The following OR51E1 variants were observed in gnomAD, a reference collection of about 807,000 sequenced individuals.
The protein encoded by OR51E1 is olfactory receptor 51E1.
OR51E1 carries 9 observed loss-of-function variants against 11.5 expected under a neutral mutation model. That is an observed-to-expected ratio of 0.78 (90% CI 0.47 to 1.37). The LOEUF (loss-of-function observed/expected upper bound fraction) is 1.37. Among genes scored for constraint, OR51E1 ranks in the 40% most tolerant of loss-of-function variants. The pLI is 0.00. For missense variants in OR51E1, 397 were observed against 410.2 expected (o/e 0.97, Z 0.28); for synonymous variants, 168 against 158.3 (o/e 1.06, Z -0.46).
chr11:4,648,757 G>A (rs761542312), intron 1 of OR51E1, among the ~76,000 whole-genome samples: 2 of 152,160 alleles, frequency 1.3e-5, no homozygotes, highest in Non-Finnish European at 2.9e-5. Flanking sequence ...AGTGTTTCCA[G>A]GTGAGGGATC....
intron 1 of OR51E1, 56 bp from the exon 2 acceptor site, chr11:4,652,432 G>A: frequency 2.7e-6 from 2 of 751,562 alleles, no homozygotes; most frequent in Non-Finnish European, 2.3e-6. Context: ...GATAGAGTCA[G>A]GTGTTAGGTA....
rs1005644684 is a variant in OR51E1, at chr11:4,654,047, T to C, written c.*564T>C. 4.8e-5 allele frequency: 8 copies of C among 166,744 alleles called. No individual in the cohort carries two copies. Among genetic ancestry groups the C allele is most frequent in the African/African-American group, 1.9e-4 (8 of 41,440 alleles). The allele number at this position is 166,744 out of a possible 1,614,324, so 10.3% of individuals were successfully genotyped here. On this transcript the variant is annotated 3_prime_UTR_variant, in exon 2 of 2. Coordinates refer to ENST00000396952, the MANE Select transcript of OR51E1 (RefSeq NM_152430.4). ...TACATTTACCTACGTTAATGAAAGT[T>C]GACACACTGTTCTGAGAGTTTTCAC...
In OR51E1 at chr11:4,652,991, G is replaced by A; in HGVS notation, c.465G>A (p.Gly155=). The change falls in exon 2 of 2, where the codon GGG becomes GGA. Residue 155 remains glycine, a synonymous_variant. Transcript: ENST00000396952. ...TKIGVAAVVR[G]AALMAPLPVF... is the part of the protein sequence containing the mutation. ...TTGGTGTGGCTGCTGTGGTGCGGGGGGCTGCACTGATGGCACCCCTTCCTG... is the reference window on the plus strand; with the variant it reads ...TTGGTGTGGCTGCTGTGGTGCGGGGAGCTGCACTGATGGCACCCCTTCCTG... 1 of 1,605,304 alleles carries A rather than the reference G, an allele frequency of 6.2e-7. No individual in the cohort carries two copies.
Position 4,649,469 on chromosome 11 carries a change from A to G in OR51E1, c.-39-3019A>G, listed in dbSNP as rs375403974. Among the ~76,000 whole-genome samples, 22 of 152,314 alleles carry G rather than the reference A, an allele frequency of 1.4e-4. No homozygotes were observed. The East Asian group carries it at 4.2e-3, about 29-fold the overall frequency. ...TGTTTGTGAAATAGCATGAACTTCA[A>G]TGTGGCTAGATCATAGGGATCATGG... On this transcript the variant is annotated intron_variant, in intron 1 of 1. Transcript: ENST00000396952.
intron 1 of OR51E1, among the ~76,000 whole-genome samples, chr11:4,652,188 C>G (rs776036934): frequency 6.6e-6 from 1 of 152,274 alleles, no homozygotes; most frequent in African/African-American, 2.4e-5. Flanking sequence ...CTTTTATATT[C>G]AGCCAGTAGC....
Position 4,654,898 on chromosome 11 carries a change from C to A in OR51E1, c.*1415C>A. ...TCATATATGTGGTAAGTTTCATTTT[C>A]TTTTTCAATCCTCAGGTTCCCTGAT... On this transcript the variant is annotated 3_prime_UTR_variant, in exon 2 of 2. Coordinates refer to ENST00000396952, the MANE Select transcript of OR51E1 (RefSeq NM_152430.4). 6.0e-6 allele frequency: 1 copy of A among 167,174 alleles called. No individual in the cohort carries two copies. The allele number at this position is 167,174 out of a possible 1,614,324, so 10.4% of individuals were successfully genotyped here.
chr11:4,652,946 G>T lies in OR51E1; in HGVS notation c.420G>T (p.Thr140=). 1 of 1,606,684 alleles carries T rather than the reference G, an allele frequency of 6.2e-7. No homozygotes were observed. The change falls in exon 2 of 2, where the codon ACG becomes ACT. Residue 140 remains threonine (T), a synonymous_variant. Coordinates refer to ENST00000396952, the MANE Select transcript of OR51E1 (RefSeq NM_152430.4). The part of the protein sequence containing the change: ...CHPLRHATVL[T]LPRVTKIGVA... ...CACTGCGCCATGCCACAGTACTTAC[G>T]TTGCCTCGTGTCACCAAAATTGGTG... is the stretch of plus-strand genomic sequence containing the variant.
chr11:4,645,174 A>G (rs1202046312), intron 1 of OR51E1, among the ~76,000 whole-genome samples: 1 of 151,906 alleles, frequency 6.6e-6, no homozygotes, highest in African/African-American at 2.4e-5. Flanking sequence ...ACTTCTCATT[A>G]TTGGCCTCGT....
intron 1 of OR51E1, among the ~76,000 whole-genome samples, chr11:4,645,083 A>G (rs1010904691): frequency 4.6e-5 from 7 of 151,484 alleles, no homozygotes; most frequent in Non-Finnish European, 7.4e-5. Context: ...TGTCTCCAGT[A>G]TGAGTGTCCT....
rs957888876 is a variant in OR51E1, at chr11:4,648,864, A to G, written c.-39-3624A>G. The stretch of plus-strand genomic sequence containing the variant: ...GCAGCTGCTCTGTTTTTTTTAATAC[A>G]TATTTCTCTGGCCCTCCAGCTCCTT... On this transcript the variant is annotated intron_variant, in intron 1 of 1. Transcript: ENST00000396952. Among the ~76,000 whole-genome samples the G allele has an allele frequency of 4.0e-4, 61 of 152,108 alleles. 1 individual carries two copies. Among genetic ancestry groups the G allele is most frequent in the Non-Finnish European group, 1.6e-4 (11 of 68,032 alleles).
intron 1 of OR51E1, among the ~76,000 whole-genome samples, chr11:4,646,649 T>A (rs974140347): frequency 6.6e-6 from 1 of 152,182 alleles, no homozygotes; most frequent in African/African-American, 2.4e-5. Flanking sequence ...TCACAGCCTT[T>A]GGAGTTAGGG....
Position 4,653,246 on chromosome 11 carries a change from T to C in OR51E1, c.720T>C (p.Phe240=), listed in dbSNP as rs1411327365. ...GLTREAQAKA[F]GTCVSHVCAV... is the part of the protein sequence containing the mutation. ...CACGTGAAGCCCAGGCCAAGGCATT[T>C]GGCACTTGCGTCTCTCATGTGTGTG... Residue 240 remains phenylalanine, a synonymous_variant, in exon 2 of 2, where the codon TTT becomes TTC. Coordinates refer to ENST00000396952, the MANE Select transcript of OR51E1 (RefSeq NM_152430.4). The C allele has an allele frequency of 6.2e-7, 1 of 1,614,082 alleles. No individual in the cohort carries two copies. The highest frequency in any genetic ancestry group is 1.1e-5 in the South Asian group (1 of 91,078).
chr11:4,645,929 T>G (rs954064124), intron 1 of OR51E1, among the ~76,000 whole-genome samples: 1 of 152,166 alleles, frequency 6.6e-6, no homozygotes, highest in Non-Finnish European at 1.5e-5. Context: ...TCTGCTTTAT[T>G]AAATACAAGC....
Position 4,655,386 on chromosome 11 carries a change from C to G in OR51E1, c.*1903C>G. On this transcript the variant is annotated 3_prime_UTR_variant, in exon 2 of 2. Coordinates refer to ENST00000396952, the MANE Select transcript of OR51E1 (RefSeq NM_152430.4). ...CCAGAAGCCTGGATTTCTGAAAAAACTGTGCAGAGCCAAACCTCTGTCATT... is the reference window on the plus strand; with the variant it reads ...CCAGAAGCCTGGATTTCTGAAAAAAGTGTGCAGAGCCAAACCTCTGTCATT... The G allele has an allele frequency of 6.0e-6, 1 of 167,194 alleles. No homozygotes were observed. Among genetic ancestry groups the G allele is most frequent in the Admixed American group, 6.5e-5 (1 of 15,298 alleles). The allele number at this position is 167,194 out of a possible 1,614,324, so 10.4% of individuals were successfully genotyped here.
At chr11:4,646,908 C>T (rs1411505027) in intron 1 of OR51E1, among the ~76,000 whole-genome samples, 2 of 152,144 alleles carry the variant, frequency 1.3e-5, no homozygotes, top group Non-Finnish European at 2.9e-5. Flanking sequence ...TTACCAGTCA[C>T]CTGTTAAACT....
chr11:4,645,780 G>C (rs7342197), intron 1 of OR51E1, among the ~76,000 whole-genome samples: 1 of 152,168 alleles, frequency 6.6e-6, no homozygotes, highest in African/African-American at 2.4e-5. Flanking sequence ...GGTGATTTTA[G>C]GTGGTCAGGC....
intron 1 of OR51E1, among the ~76,000 whole-genome samples, chr11:4,644,625 C>A (rs1363614288): frequency 6.6e-6 from 1 of 152,126 alleles, no homozygotes; most frequent in Admixed American, 6.5e-5. Context: ...GATTAGTGTC[C>A]ACACGGCAAC....
intron 1 of OR51E1, among the ~76,000 whole-genome samples, chr11:4,651,905 C>T (rs1847103400): frequency 6.6e-6 from 1 of 152,098 alleles, no homozygotes; most frequent in African/African-American, 2.4e-5. Flanking sequence ...ATCATCAATT[C>T]GATCTTTAAG....
intron 1 of OR51E1, among the ~76,000 whole-genome samples, chr11:4,644,885 G>A (rs1312288866): frequency 6.6e-6 from 1 of 152,112 alleles, no homozygotes; most frequent in Non-Finnish European, 1.5e-5. Context: ...CTCAAACTCT[G>A]TTGTGCTCTT....
Sources: gnomAD v4.1 joint callset for allele counts (sites outside exome capture counted in the v4.1 genomes callset) on GRCh38, gnomAD v4.1.1 for gene constraint, MANE v1.5 for transcripts, NCBI Gene and HGNC (gene_info 2026-07-23, HGNC 2026-07-21) for gene names.